Variants in SRP72 observed in about 807,000 individuals in gnomAD.
SRP72 encodes the protein signal recognition particle subunit SRP72.
Under a neutral mutation model 96.3 loss-of-function variants are expected in SRP72, and 49 were observed. That is an observed-to-expected ratio of 0.51 (90% CI 0.40 to 0.65). The LOEUF is 0.65. Ranked by LOEUF, SRP72 falls within the 30% of genes least tolerant of loss-of-function variation. The probability of loss-of-function intolerance (pLI) is 0.00; values close to 1 mark genes in which losing one functional copy is unlikely to be tolerated. For synonymous variants in SRP72, 267 were observed against 275.2 expected, an observed-to-expected ratio of 0.97 and a Z score of 0.30; for missense variants, 736 against 793.3, an observed-to-expected ratio of 0.93 and a Z score of 0.87.
At chr4:56,484,269 C>T (rs368773148) in intron 9 of SRP72, among the ~76,000 whole-genome samples, 211 of 151,922 alleles carry the variant, frequency 1.4e-3, no homozygotes, top group African/African-American at 4.9e-3. Context: ...CTCCTGACCT[C>T]GTGATCTGCC....
chr4:56,491,031 G>C (rs914223068), intron 15 of SRP72, among the ~76,000 whole-genome samples: 2 of 152,142 alleles, frequency 1.3e-5, no homozygotes, highest in Admixed American at 1.3e-4. Flanking sequence ...AGCGAATTTG[G>C]TGCCCTTATT....
At chr4:56,501,587 G>A in intron 18 of SRP72, 97 bp from the exon 19 acceptor site, 1 of 1,034,930 alleles carries the variant, frequency 9.7e-7, no homozygotes, top group Non-Finnish European at 1.4e-6. Flanking sequence ...ATGTGTGGGA[G>A]ATTGTTAAGT....
intron 2 of SRP72, 139 bp from the exon 3 acceptor site, chr4:56,471,581 A>G: frequency 3.3e-6 from 3 of 908,328 alleles, no homozygotes; most frequent in Admixed American, 3.3e-5. Context: ...GCTATCTGAT[A>G]TTTAGACAAG....
At chr4:56,484,980 A>G (rs1312700831) in intron 10 of SRP72, 116 bp downstream of exon 10, 15 of 1,242,882 alleles carry the variant, frequency 1.2e-5, no homozygotes, top group Non-Finnish European at 1.6e-5. Context: ...GAAATGTACC[A>G]CTACACAAAT....
intron 16 of SRP72, among the ~76,000 whole-genome samples, chr4:56,494,466 G>T (rs994819275): frequency 2.7e-5 from 4 of 149,494 alleles, no homozygotes; most frequent in African/African-American, 9.9e-5. Context: ...GTGCAGTGGC[G>T]CAATCTCGCT....
intron 8 of SRP72, among the ~76,000 whole-genome samples, chr4:56,480,994 T>C (rs1560680295): frequency 6.6e-6 from 1 of 152,316 alleles, no homozygotes; most frequent in African/African-American, 2.4e-5. Flanking sequence ...ATTTGCTGGA[T>C]AGTTTAAAAA....
intron 17 of SRP72, among the ~76,000 whole-genome samples, chr4:56,496,101 C>T (rs1721065832): frequency 6.6e-6 from 1 of 152,102 alleles, no homozygotes; most frequent in South Asian, 2.1e-4. Flanking sequence ...TGGAGTGTGG[C>T]TTTAATCTCT....
intron 5 of SRP72, among the ~76,000 whole-genome samples, chr4:56,475,422 G>A (rs1006356466): frequency 1.4e-5 from 2 of 146,928 alleles, no homozygotes; most frequent in African/African-American, 2.5e-5. Context: ...GTGGCCGAGT[G>A]TGGTGGTACA....
intron 5 of SRP72, 128 bp from the exon 6 acceptor site, chr4:56,476,543 C>A: frequency 1.0e-6 from 1 of 962,712 alleles, no homozygotes; most frequent in Non-Finnish European, 1.6e-6. Context: ...ATGTAAATTT[C>A]ACAACTGCTT....
intron 13 of SRP72, among the ~76,000 whole-genome samples, chr4:56,489,824 A>G (rs1720844961): frequency 6.6e-6 from 1 of 152,212 alleles, no homozygotes; most frequent in Admixed American, 6.5e-5. Flanking sequence ...GGTGGTAGTA[A>G]TTAGTACAAC....
chr4:56,481,763 G>A (rs1389984555), intron 8 of SRP72, among the ~76,000 whole-genome samples: 1 of 144,918 alleles, frequency 6.9e-6, no homozygotes, highest in Non-Finnish European at 1.5e-5. Flanking sequence ...CATATCTGTT[G>A]GCTCCTTTTT....
At chr4:56,469,895 TCCC>T in intron 2 of SRP72, 122 bp downstream of exon 2, 1 of 963,378 alleles carries the variant, frequency 1.0e-6, no homozygotes, top group Non-Finnish European at 1.4e-6. Flanking sequence ...TTCCTTTTTT[TCCC>T]CCCTTTTGCT....
intron 16 of SRP72, chr4:56,495,137 C>T (rs1721032385): frequency 3.0e-6 from 1 of 334,942 alleles, no homozygotes; most frequent in African/African-American, 2.1e-5. Flanking sequence ...CGAATTGTCA[C>T]CTCTGTTTTC....
chr4:56,475,330 G>A (rs1268081228), intron 5 of SRP72, among the ~76,000 whole-genome samples: 1 of 152,122 alleles, frequency 6.6e-6, no homozygotes, highest in East Asian at 1.9e-4. Context: ...GGCCAAGGCA[G>A]GAGGATTGCT....
intron 17 of SRP72, 190 bp from the exon 18 acceptor site, chr4:56,500,346 C>G (rs2110133975): frequency 1.8e-6 from 1 of 570,908 alleles, no homozygotes; most frequent in Non-Finnish European, 2.9e-6. Flanking sequence ...GCGCATGTAT[C>G]CCAGAACTTA....
Position 56,484,783 on chromosome 4 carries a change from C to T in SRP72, c.1005C>T (p.Pro335=), listed in dbSNP as rs201570324. 73 of 1,614,136 alleles carry T rather than the reference C, an allele frequency of 4.5e-5. No individual in the cohort carries two copies. In the African/African-American group the frequency reaches 5.9e-4, roughly 13 times the overall value. ...KISASLQSQS[P]EHLLPVLIQA... Reference sequence around the variant, plus strand: ...CTGCCAGTTTACAGTCCCAAAGTCCCGAGCATCTCTTACCTGTGTTAATCC... The same window carrying T: ...CTGCCAGTTTACAGTCCCAAAGTCCTGAGCATCTCTTACCTGTGTTAATCC... Residue 335 remains proline (P), a synonymous_variant, in exon 10 of 19, where the codon CCC becomes CCT. Transcript: ENST00000642900.
At position 56,483,286 on chromosome 4, in the gene SRP72, T is replaced by A; in HGVS notation, c.957+16T>A. 1 of 1,610,478 alleles carries A rather than the reference T, an allele frequency of 6.2e-7. No homozygotes were observed. ...CACAAACCAGGTGGGTAATTACCTTTGGTGTCATGGCTAAACCTTTTGTAA... is the reference window on the plus strand; with the variant it reads ...CACAAACCAGGTGGGTAATTACCTTAGGTGTCATGGCTAAACCTTTTGTAA... On this transcript the variant is annotated intron_variant, in intron 9 of 18. Transcript: ENST00000642900.
At chr4:56,471,913 G>A in intron 3 of SRP72, 70 bp downstream of exon 3, 1 of 1,568,516 alleles carries the variant, frequency 6.4e-7, no homozygotes, top group East Asian at 2.3e-5. Flanking sequence ...GCAAGGAGCA[G>A]GGTTGAGGAA....
At chr4:56,486,836 G>A (rs972965795) in intron 11 of SRP72, among the ~76,000 whole-genome samples, 5 of 152,172 alleles carry the variant, frequency 3.3e-5, no homozygotes, top group Non-Finnish European at 7.3e-5. Context: ...TGGGCTTGGG[G>A]AAAGGTAATA....
Sources: allele counts gnomAD v4.1 joint callset (sites outside exome capture counted in the v4.1 genomes callset), GRCh38; gene constraint gnomAD v4.1.1; transcripts MANE v1.5; gene names NCBI Gene and HGNC (gene_info 2026-07-23, HGNC 2026-07-21).